The following KRT81 variants were observed in gnomAD, a reference collection of about 807,000 sequenced individuals.
KRT81 encodes keratin 81, also known as keratin, type II cuticular Hb1.
A neutral mutation model predicts 35.8 loss-of-function variants in KRT81; 35 were observed. The ratio of observed to expected loss-of-function variants is 0.98; its 90% CI spans 0.75 to 1.30. KRT81 has a LOEUF of 1.30. KRT81 is among the 50% of genes most tolerant of loss of function. The pLI is 0.00. For missense variants in KRT81, 531 were observed against 577.4 expected (o/e 0.92, Z 0.82); for synonymous variants, 249 against 251.2 (o/e 0.99, Z 0.08).
At position 52,287,083 on chromosome 12, in the gene KRT81, C is replaced by T; in HGVS notation, c.1247+19G>A. ...GGGATGGGGAAGGGTGGTTCTGGGC[C>T]ACCCTTGGTTGGACCCACCTCTGCT... On this transcript the variant is annotated intron_variant, in intron 7 of 8. Coordinates refer to ENST00000327741, the MANE Select transcript of KRT81 (RefSeq NM_002281.4). 6.2e-7 allele frequency: 1 copy of T among 1,612,740 alleles called. No individual in the cohort carries two copies. Among genetic ancestry groups the T allele is most frequent in the Non-Finnish European group, 8.5e-7 (1 of 1,179,886 alleles).
chr12:52,286,876 A>G, intron 7 of KRT81, 54 bp from the exon 8 acceptor site: 1 of 1,604,126 alleles, frequency 6.2e-7, no homozygotes, highest in Non-Finnish European at 8.5e-7. Flanking sequence ...AGTGGCTGAA[A>G]AAGCTCCCCA....
intron 5 of KRT81, 22 bp downstream of exon 5, chr12:52,287,962 G>A: frequency 6.2e-7 from 1 of 1,614,158 alleles, no homozygotes; most frequent in Non-Finnish European, 8.5e-7. Context: ...CGTCTAGCAG[G>A]CAGGTGTCCT....
rs367880650 is a variant in KRT81 at position 52,287,675 on chromosome 12, C to T, written c.947G>A (p.Arg316His). 34 of 1,613,768 alleles carry T rather than the reference C, an allele frequency of 2.1e-5. No individual in the cohort carries two copies. Among genetic ancestry groups the T allele is most frequent in the Middle Eastern group, 1.6e-4 (1 of 6,076 alleles). Residue 316 changes from arginine (R) to histidine (H), a missense_variant, in exon 6 of 9, where the codon CGC becomes CAC. Arg to His is a conservative substitution (Grantham distance 29). Coordinates refer to ENST00000327741, the MANE Select transcript of KRT81 (RefSeq NM_002281.4). Reference protein sequence around the residue: ...ATVIRHGETLRRTKEEINELN... With the variant: ...ATVIRHGETLHRTKEEINELN... ...CTCATTGATCTCCTCCTTGGTGCGG[C>T]GCAGGGTCTCCCCGTGCCTGATCAC...
rs932814933 is a variant in KRT81 at position 52,285,985 on chromosome 12, G to A, written c.*270C>T. The A allele has an allele frequency of 1.5e-5, 8 of 522,914 alleles. No individual in the cohort carries two copies. Among genetic ancestry groups the A allele is most frequent in the Non-Finnish European group, 2.1e-5 (6 of 289,324 alleles). 32.4% of individuals were successfully genotyped at this position (522,914 alleles called of 1,614,324 possible). ...GGGGAGAGGCAGGAAGGCAGTTGCC[G>A]TGGGCAAGGTTCTGGTCCTGGCCCT... On this transcript the variant is annotated 3_prime_UTR_variant, in exon 9 of 9. Coordinates refer to ENST00000327741, the MANE Select transcript of KRT81 (RefSeq NM_002281.4).
At chr12:52,288,999 CT>C (rs1938059032) in intron 3 of KRT81, among the ~76,000 whole-genome samples, 1 of 134,696 alleles carries the variant, frequency 7.4e-6, no homozygotes, top group African/African-American at 2.9e-5. Flanking sequence ...CAGCCATCCC[CT>C]TGCCCAAGGT....
chr12:52,288,259 C>T, intron 4 of KRT81, 102 bp downstream of exon 4: 1 of 1,601,312 alleles, frequency 6.2e-7, no homozygotes, highest in Non-Finnish European at 8.5e-7. Flanking sequence ...CCTCACACAG[C>T]CTCAGGGACT....
rs1421369630 is a variant in KRT81, at chr12:52,291,172, G to A, written c.294C>T (p.Asn98=). ...TCTCCTCCTGCTTCACGCACTGCGC[G>A]TTGGGGTCGATCTCCAGGTTGAGGG... The part of the protein sequence containing the change: ...LTPLNLEIDP[N]AQCVKQEEKE... The change falls in exon 1 of 9, where the codon AAC becomes AAT. Residue 98 remains asparagine, a synonymous_variant. Coordinates refer to ENST00000327741, the MANE Select transcript of KRT81 (RefSeq NM_002281.4). 3 of 1,224,926 alleles carry A rather than the reference G, an allele frequency of 2.4e-6. No homozygotes were observed. Among genetic ancestry groups the A allele is most frequent in the Non-Finnish European group, 2.2e-6 (2 of 894,050 alleles). The allele number at this position is 1,224,926 out of a possible 1,614,324, so 75.9% of individuals were successfully genotyped here. A position where few individuals can be genotyped will look rare whatever the true frequency, so the allele number is the denominator to read the frequency against.
Position 52,286,509 on chromosome 12 carries a change from G to A in KRT81, c.1280-16C>T, listed in dbSNP as rs368288509. The A allele has an allele frequency of 4.5e-6, 7 of 1,550,916 alleles. No homozygotes were observed. Among genetic ancestry groups the A allele is most frequent in the Non-Finnish European group, 5.2e-6 (6 of 1,146,904 alleles). On this transcript the variant is annotated splice_polypyrimidine_tract_variant and intron_variant, in intron 8 of 8. Coordinates refer to ENST00000327741, the MANE Select transcript of KRT81 (RefSeq NM_002281.4). Reference sequence around the variant, plus strand: ...CTGCTGACACCTGTGAACCCCGAAGGCTGAGTCAAAATTCTGAAGGGCAAG... The same window carrying A: ...CTGCTGACACCTGTGAACCCCGAAGACTGAGTCAAAATTCTGAAGGGCAAG...
chr12:52,287,039 C>A, intron 7 of KRT81, 63 bp downstream of exon 7: 1 of 1,611,972 alleles, frequency 6.2e-7, no homozygotes, highest in Non-Finnish European at 8.5e-7. Flanking sequence ...CAGCCAAGGC[C>A]AAGGGTAGGC....
At position 52,288,467 on chromosome 12, in the gene KRT81, G is replaced by A; in HGVS notation, c.640-11C>T. On this transcript the variant is annotated splice_polypyrimidine_tract_variant and intron_variant, in intron 3 of 8. Transcript: ENST00000327741. ...GGCGCAGTCCACATCCTGGAAAGGT[G>A]GGGAGTGTTGGAGCTCAAGGACCCT... The A allele has an allele frequency of 6.2e-7, 1 of 1,613,946 alleles. No homozygotes were observed. Among genetic ancestry groups the A allele is most frequent in the Non-Finnish European group, 8.5e-7 (1 of 1,179,978 alleles).
At position 52,286,312 on chromosome 12, in the gene KRT81, G is replaced by A. The variant is rs1012226748; in HGVS notation, c.1461C>T (p.Ser487=). ...TCGGGSCGVG[S]CGISSLGVGS... ...CCACACCCAGGGAGCTGATACCACAGGAGCCCACGCCGCAGGAACCCCCTC... is the reference window on the plus strand; with the variant it reads ...CCACACCCAGGGAGCTGATACCACAAGAGCCCACGCCGCAGGAACCCCCTC... Residue 487 remains serine (S), a synonymous_variant, in exon 9 of 9, where the codon TCC becomes TCT. Coordinates refer to ENST00000327741, the MANE Select transcript of KRT81 (RefSeq NM_002281.4). 5 of 1,554,514 alleles carry A rather than the reference G, an allele frequency of 3.2e-6. No homozygotes were observed. Among genetic ancestry groups the A allele is most frequent in the African/African-American group, 1.4e-5 (1 of 73,310 alleles).
rs767890953 is a variant in KRT81, at chr12:52,286,479, G to A, written c.1294C>T (p.Arg432Trp). ...GAVNVCVSSS[R>W]GGVVCGDLCV... ...AGGTCCCCGCACACGACCCCGCCCC[G>A]GGAGCTGCTGACACCTGTGAACCCC... Residue 432 changes from arginine to tryptophan, a missense_variant, in exon 9 of 9, where the codon CGG (arginine) becomes TGG (tryptophan). By Grantham distance (101) the Arg-to-Trp change is moderately radical. This residue lies in a region of KRT81 where 150 missense variants were observed against 145.4 expected (regional missense o/e 1.03). Coordinates refer to ENST00000327741, the MANE Select transcript of KRT81 (RefSeq NM_002281.4). 1.5e-5 allele frequency: 23 copies of A among 1,552,334 alleles called. No homozygotes were observed. The highest frequency in any genetic ancestry group is 3.6e-4 in the Middle Eastern group (2 of 5,578).
chr12:52,288,380 A>C lies in KRT81; in HGVS notation c.716T>G (p.Leu239Arg), dbSNP rs760520398. 1.2e-6 allele frequency: 2 copies of C among 1,614,082 alleles called. No homozygotes were observed. The highest frequency in any genetic ancestry group is 1.7e-6 in the Non-Finnish European group (2 of 1,179,988). ...VEALIQEIDFLRRLYEEEILI... is the reference protein window; with the variant it reads ...VEALIQEIDFRRRLYEEEILI... Reference sequence around the variant, plus strand: ...CCGCACCTCCTCATACAGCCGCCTCAGGAAGTCGATCTCCTGGATCAGGGC... The same window carrying C: ...CCGCACCTCCTCATACAGCCGCCTCCGGAAGTCGATCTCCTGGATCAGGGC... Residue 239 changes from leucine (L) to arginine (R), a missense_variant, in exon 4 of 9, where the codon CTG becomes CGG. This residue lies in a region of KRT81 where 194 missense variants were observed against 198.2 expected (regional missense o/e 0.98). Coordinates refer to ENST00000327741, the MANE Select transcript of KRT81 (RefSeq NM_002281.4).
rs1272049101 is a variant in KRT81 at position 52,286,466 on chromosome 12, A to C, written c.1307T>G (p.Val436Gly). 6.4e-7 allele frequency: 1 copy of C among 1,552,410 alleles called. No homozygotes were observed. The highest frequency in any genetic ancestry group is 2.4e-5 in the East Asian group (1 of 41,058). The change falls in exon 9 of 9, where the codon GTG (valine) becomes GGG (glycine). Residue 436 changes from valine to glycine, a missense_variant. This residue lies in a region of KRT81 where 150 missense variants were observed against 145.4 expected (regional missense o/e 1.03). Transcript: ENST00000327741. Reference protein sequence around the residue: ...VCVSSSRGGVVCGDLCVSGSR... With the variant: ...VCVSSSRGGVGCGDLCVSGSR... ...GCCTGACACGCAGAGGTCCCCGCAC[A>C]CGACCCCGCCCCGGGAGCTGCTGAC...
intron 7 of KRT81, 53 bp from the exon 8 acceptor site, chr12:52,286,875 A>C: frequency 6.2e-7 from 1 of 1,605,362 alleles, no homozygotes; most frequent in East Asian, 2.2e-5. Context: ...GAGTGGCTGA[A>C]AAAGCTCCCC....
chr12:52,286,464 AC>A lies in KRT81; in HGVS notation c.1308del (p.Cys437AlafsTer12), dbSNP rs1937939688. 6.4e-7 allele frequency: 1 copy of A among 1,552,506 alleles called. No homozygotes were observed. ...VCVSSSRGGV[V>X]CGDLCVSGSR... ...GAGCCTGACACGCAGAGGTCCCCGCACACGACCCCGCCCCGGGAGCTGCTGA... is the reference window on the plus strand; with the variant it reads ...GAGCCTGACACGCAGAGGTCCCCGCAACGACCCCGCCCCGGGAGCTGCTGA... On this transcript the variant is annotated frameshift_variant, in exon 9 of 9. Coordinates refer to ENST00000327741, the MANE Select transcript of KRT81 (RefSeq NM_002281.4). LOFTEE classifies it low-confidence loss of function (END_TRUNC).
intron 7 of KRT81, 106 bp from the exon 8 acceptor site, chr12:52,286,928 G>T: frequency 1.3e-6 from 2 of 1,532,888 alleles, no homozygotes; most frequent in Non-Finnish European, 9.0e-7. Flanking sequence ...TAAGAACAGA[G>T]TCTGAGGGAA....
At position 52,287,302 on chromosome 12, in the gene KRT81, C is replaced by A. The variant is rs147690541; in HGVS notation, c.1047G>T (p.Ala349=). 1.9e-6 allele frequency: 3 copies of A among 1,614,014 alleles called. No homozygotes were observed. Among genetic ancestry groups the A allele is most frequent in the Non-Finnish European group, 1.7e-6 (2 of 1,179,968 alleles). The change falls in exon 7 of 9, where the codon GCG becomes GCT. Residue 349 remains alanine, a synonymous_variant. Coordinates refer to ENST00000327741, the MANE Select transcript of KRT81 (RefSeq NM_002281.4). ...AKCQNSKLEA[A]VAQSEQQGEA... ...CACCCTGCTGCTCAGACTGGGCCACCGCGGCCTCCAGCTTGGAGTTCTGAA... is the reference window on the plus strand; with the variant it reads ...CACCCTGCTGCTCAGACTGGGCCACAGCGGCCTCCAGCTTGGAGTTCTGAA...
chr12:52,287,823 G>A lies in KRT81; in HGVS notation c.901-102C>T, dbSNP rs563947537. 55 of 1,605,948 alleles carry A rather than the reference G, an allele frequency of 3.4e-5. No homozygotes were observed. The African/African-American group carries it at 4.1e-4, about 12-fold the overall frequency. On this transcript the variant is annotated intron_variant, in intron 5 of 8. Transcript: ENST00000327741. Reference sequence around the variant, plus strand: ...GGTTGTACAGTGCTCAGCCTGTGCAGCCACACATGGCAGTCCTGCCCTGCC... The same window carrying A: ...GGTTGTACAGTGCTCAGCCTGTGCAACCACACATGGCAGTCCTGCCCTGCC...
Sources: allele counts gnomAD v4.1 joint callset (sites outside exome capture counted in the v4.1 genomes callset), GRCh38; gene constraint gnomAD v4.1.1; regional missense constraint gnomAD v4.1.1; transcripts MANE v1.5; gene names NCBI Gene and HGNC (gene_info 2026-07-23, HGNC 2026-07-21).